The following PPP4R2 variants were observed in gnomAD, a reference collection of about 807,000 sequenced individuals.
PPP4R2 encodes protein phosphatase 4 regulatory subunit 2, also known as serine/threonine-protein phosphatase 4 regulatory subunit 2.
A neutral mutation model predicts 47.2 loss-of-function variants in PPP4R2; 13 were observed. The observed-to-expected ratio is 0.28, with a 90% confidence interval of 0.18 to 0.44. PPP4R2 has a LOEUF of 0.44. Among genes scored for constraint, PPP4R2 ranks in the 20% least tolerant of loss-of-function variants. The probability of loss-of-function intolerance (pLI) is 1.00; values close to 1 mark genes in which losing one functional copy is unlikely to be tolerated. For missense variants in PPP4R2, 421 were observed against 491.2 expected (o/e 0.86, Z 1.35); for synonymous variants, 151 against 163.3 (o/e 0.92, Z 0.57).
chr3:73,064,772 CAT>C (rs1247866213), intron 7 of PPP4R2, 78 bp from the exon 8 acceptor site: 1 of 1,233,260 alleles, frequency 8.1e-7, no homozygotes, highest in Non-Finnish European at 1.1e-6. Flanking sequence ...CAATTTAAAA[CAT>C]TATTTAACCT....
chr3:73,060,740 G>A (rs2291527), intron 4 of PPP4R2, among the ~76,000 whole-genome samples: 12,960 of 151,976 alleles, frequency 0.085, 747 homozygotes, highest in African/African-American at 0.16. Context: ...ACTCTACTAC[G>A]TATAGTGTAT....
At position 73,032,627 on chromosome 3, in the gene PPP4R2, T is replaced by C. The variant is rs144030322; in HGVS notation, c.117-14559T>C. On this transcript the variant is annotated intron_variant, in intron 2 of 8. Coordinates refer to ENST00000356692, the MANE Select transcript of PPP4R2 (RefSeq NM_174907.4). The stretch of plus-strand genomic sequence containing the variant: ...AAGGTACAGTCTTTTTACTAGTTAC[T>C]TTTTCTCTTAATTTTACAGTCTAGT... Among the ~76,000 whole-genome samples, 3 of 152,332 alleles carry C rather than the reference T, an allele frequency of 2.0e-5. No homozygotes were observed. The East Asian group carries it at 5.8e-4, about 29-fold the overall frequency.
chr3:73,061,460 T>A (rs573275048), intron 5 of PPP4R2: 1 of 155,008 alleles, frequency 6.5e-6, no homozygotes, highest in Non-Finnish European at 1.4e-5. Flanking sequence ...GATTTAGATA[T>A]AGCAAAGTAA....
chr3:73,008,519 A>T (rs1043647148), intron 2 of PPP4R2, among the ~76,000 whole-genome samples: 5 of 152,108 alleles, frequency 3.3e-5, no homozygotes, highest in African/African-American at 1.2e-4. Context: ...TCCTAATTGC[A>T]TGTGAGTTAG....
chr3:73,017,853 G>A (rs1035327066), intron 2 of PPP4R2, among the ~76,000 whole-genome samples: 4 of 151,626 alleles, frequency 2.6e-5, no homozygotes, highest in Non-Finnish European at 5.9e-5. Flanking sequence ...TCAGCCTTCC[G>A]TGTAGCTGGG....
chr3:73,004,056 A>T lies in PPP4R2; in HGVS notation c.116+5898A>T, dbSNP rs199946385. Among the ~76,000 whole-genome samples, 18 of 141,730 alleles carry T rather than the reference A, an allele frequency of 1.3e-4. No homozygotes were observed. The East Asian group carries it at 1.5e-3, about 12-fold the overall frequency. The allele number at this position is 141,730 out of a possible 152,430, so 93.0% of individuals were successfully genotyped here. ...TCATCGTGTTGGCCAGGTTGGTCTC[A>T]ATTTCCTGACTTCAAGTGATCTGCC... On this transcript the variant is annotated intron_variant, in intron 2 of 8. Coordinates refer to ENST00000356692, the MANE Select transcript of PPP4R2 (RefSeq NM_174907.4).
At chr3:73,028,641 A>G (rs999845177) in intron 2 of PPP4R2, among the ~76,000 whole-genome samples, 1 of 152,022 alleles carries the variant, frequency 6.6e-6, no homozygotes, top group African/African-American at 2.4e-5. Flanking sequence ...GAGTTTCACC[A>G]TGTTGACCAG....
intron 2 of PPP4R2, among the ~76,000 whole-genome samples, chr3:73,009,877 C>T (rs183445567): frequency 1.5e-3 from 226 of 152,258 alleles, no homozygotes; most frequent in Non-Finnish European, 2.7e-3. Context: ...CTGATGTGTT[C>T]GTTTGCTTGT....
chr3:73,009,372 G>T (rs947722444), intron 2 of PPP4R2, among the ~76,000 whole-genome samples: 1 of 152,202 alleles, frequency 6.6e-6, no homozygotes, highest in Non-Finnish European at 1.5e-5. Flanking sequence ...TTGAGAAGCA[G>T]TTGTCTATAT....
At position 73,013,980 on chromosome 3, in the gene PPP4R2, CGTT is replaced by C. The variant is rs1701775702; in HGVS notation, c.116+15825_116+15827del. Among the ~76,000 whole-genome samples the C allele has an allele frequency of 4.2e-5, 3 of 71,248 alleles. 1 individual carries two copies. The highest frequency in any genetic ancestry group is 3.9e-4 in the South Asian group (1 of 2,570). The allele number at this position is 71,248 out of a possible 152,430, so 46.7% of individuals were successfully genotyped here. ...CTTACCAAAACACAAAAATTTACCT[CGTT>C]GTCTTCATGGGCTGCATAATATTTT... On this transcript the variant is annotated intron_variant, in intron 2 of 8. Transcript: ENST00000356692.
intron 2 of PPP4R2, among the ~76,000 whole-genome samples, chr3:73,045,934 T>C (rs1702475925): frequency 6.6e-6 from 1 of 152,210 alleles, no homozygotes; most frequent in African/African-American, 2.4e-5. Context: ...ATCTCATACC[T>C]CTTTGATATG....
chr3:72,998,237 T>C, intron 2 of PPP4R2, 79 bp downstream of exon 2: 1 of 862,502 alleles, frequency 1.2e-6, no homozygotes, highest in Non-Finnish European at 1.8e-6. Flanking sequence ...AAAGTATATT[T>C]TGGGATAATT....
intron 2 of PPP4R2, among the ~76,000 whole-genome samples, chr3:73,039,638 T>C (rs943845564): frequency 6.6e-6 from 1 of 152,232 alleles, no homozygotes; most frequent in African/African-American, 2.4e-5. Flanking sequence ...CATTTATGGT[T>C]GTCACAACTG....
chr3:73,002,084 T>C (rs559289614), intron 2 of PPP4R2, among the ~76,000 whole-genome samples: 1 of 152,370 alleles, frequency 6.6e-6, no homozygotes, highest in African/African-American at 2.4e-5. Context: ...CTCCCACATA[T>C]GTGAAAACGT....
At position 73,065,320 on chromosome 3, in the gene PPP4R2, A is replaced by T; in HGVS notation, c.929-77A>T. On this transcript the variant is annotated intron_variant, in intron 8 of 8. Coordinates refer to ENST00000356692, the MANE Select transcript of PPP4R2 (RefSeq NM_174907.4). ...GGGGATGTGATTTGAACTATAGAAT[A>T]TCAGAATTCATGAAACTTAACTGTG... 4 of 1,411,596 alleles carry T rather than the reference A, an allele frequency of 2.8e-6. No individual in the cohort carries two copies. In the East Asian group the frequency reaches 9.5e-5, roughly 33 times the overall value. The allele number at this position is 1,411,596 out of a possible 1,614,324, so 87.4% of individuals were successfully genotyped here.
chr3:72,996,908 C>A lies in PPP4R2; in HGVS notation c.-130C>A, dbSNP rs764621405. On this transcript the variant is annotated 5_prime_UTR_variant, in exon 1 of 9. Transcript: ENST00000356692. ...GCTTCCCCCGGCTCCCTTCGTTTCC[C>A]CCCCCCGGTCGCCTGCGTGCCGGAG... 3.5e-6 allele frequency: 2 copies of A among 566,232 alleles called. No homozygotes were observed. The highest frequency in any genetic ancestry group is 5.5e-6 in the Non-Finnish European group (2 of 362,884). 35.1% of individuals were successfully genotyped at this position (566,232 alleles called of 1,614,324 possible).
chr3:73,060,230 A>C (rs1345631402), intron 4 of PPP4R2, among the ~76,000 whole-genome samples: 1 of 152,212 alleles, frequency 6.6e-6, no homozygotes, highest in Non-Finnish European at 1.5e-5. Flanking sequence ...TATTTTGTTG[A>C]TCCTCTGTAC....
chr3:73,007,972 C>T (rs1302685908), intron 2 of PPP4R2, among the ~76,000 whole-genome samples: 3 of 151,412 alleles, frequency 2.0e-5, no homozygotes, highest in Non-Finnish European at 2.9e-5. Flanking sequence ...AGTTTTTTTC[C>T]CTCAAAATTT....
At chr3:73,043,381 A>G (rs2107302414) in intron 2 of PPP4R2, among the ~76,000 whole-genome samples, 1 of 152,288 alleles carries the variant, frequency 6.6e-6, no homozygotes, top group Admixed American at 6.5e-5. Flanking sequence ...GAAAAAACTA[A>G]TCATGCAAAT....
Sources: allele counts gnomAD v4.1 joint callset (sites outside exome capture counted in the v4.1 genomes callset), GRCh38; gene constraint gnomAD v4.1.1; transcripts MANE v1.5; gene names NCBI Gene and HGNC (gene_info 2026-07-23, HGNC 2026-07-21).